Variants in DDX50 observed in about 807,000 individuals in gnomAD.
DDX50 encodes ATP-dependent RNA helicase DDX50.
A neutral mutation model predicts 94.8 loss-of-function variants in DDX50; 56 were observed. The observed-to-expected ratio is 0.59, with a 90% CI of 0.48 to 0.74. The LOEUF (loss-of-function observed/expected upper bound fraction) is 0.74. DDX50 is among the 30% of genes least tolerant of loss of function. DDX50 has a pLI of 0.00. For missense variants in DDX50, 713 were observed against 881.2 expected (o/e 0.81, Z 2.42); for synonymous variants, 264 against 295.4 (o/e 0.89, Z 1.09).
intron 8 of DDX50, among the ~76,000 whole-genome samples, chr10:68,926,602 CAAATGCCTTCTAAATTCTAAA>C (rs1842096236): frequency 1.3e-5 from 2 of 152,002 alleles, no homozygotes; most frequent in East Asian, 1.9e-4. Context: ...CCCCCAGAAA[CAAATGCCTTCTAAATTCTAAA>C]CAGCTGGGTT....
chr10:68,902,643 C>T lies in DDX50; in HGVS notation c.87+1172C>T, dbSNP rs73268321. Among the ~76,000 whole-genome samples the T allele has an allele frequency of 3.0e-3, 453 of 151,788 alleles. 2 individuals carry two copies. The highest frequency in any genetic ancestry group is 0.01 in the African/African-American group (429 of 41,452). On this transcript the variant is annotated intron_variant, in intron 1 of 14. Coordinates refer to ENST00000373585, the MANE Select transcript of DDX50 (RefSeq NM_024045.2). ...TCTCATTCCTCTCTCCTTCCACTCC[C>T]GGCAACTACCATTCTACTTTCGCTC...
At chr10:68,904,182 G>A (rs1179049493) in intron 1 of DDX50, among the ~76,000 whole-genome samples, 3 of 151,584 alleles carry the variant, frequency 2.0e-5, no homozygotes, top group Non-Finnish European at 2.9e-5. Flanking sequence ...GTTGTAGCTC[G>A]TGCCTGTAGA....
Position 68,913,558 on chromosome 10 carries a change from C to A in DDX50, c.925C>A (p.His309Asn). ...CGCTGAACAAGTTGAAGATATTATT[C>A]ATGAATCCTACAAAACTGGTATATC... is the stretch of plus-strand genomic sequence containing the variant. ...GFAEQVEDII[H>N]ESYKTDSEDN... is the part of the protein sequence containing the mutation. The change falls in exon 6 of 15, where the codon CAT becomes AAT. Residue 309 changes from histidine (H) to asparagine (N), a missense_variant. His to Asn is a moderately conservative substitution (Grantham distance 68). Coordinates refer to ENST00000373585, the MANE Select transcript of DDX50 (RefSeq NM_024045.2). 1 of 1,612,762 alleles carries A rather than the reference C, an allele frequency of 6.2e-7. No homozygotes were observed. Among genetic ancestry groups the A allele is most frequent in the South Asian group, 1.1e-5 (1 of 90,644 alleles).
At chr10:68,936,355 G>C (rs1319719835) in intron 11 of DDX50, among the ~76,000 whole-genome samples, 1 of 150,880 alleles carries the variant, frequency 6.6e-6, no homozygotes, top group African/African-American at 2.4e-5. Flanking sequence ...CAGGCGTGGT[G>C]GTGGGCGCCT....
At chr10:68,925,485 T>G (rs17471063) in intron 8 of DDX50, among the ~76,000 whole-genome samples, 17,511 of 152,150 alleles carry the variant, frequency 0.12, 1,286 homozygotes, top group Admixed American at 0.18. Context: ...ATTTTTAGTT[T>G]TGTTATCCTA....
rs1390406242 is a variant in DDX50 at position 68,913,447 on chromosome 10, G to A, written c.814G>A (p.Asp272Asn). Residue 272 changes from aspartate to asparagine, a missense_variant, in exon 6 of 15, where the codon GAC becomes AAC. Asp to Asn is a conservative substitution (Grantham distance 23). Transcript: ENST00000373585. The stretch of plus-strand genomic sequence containing the variant: ...GGTTGGAACACCTGGTCGTATCAAA[G>A]ACCATCTGCAGAGTGGCCGATTGGA... ...ILVGTPGRIK[D>N]HLQSGRLDLS... 1.2e-6 allele frequency: 2 copies of A among 1,614,000 alleles called. No individual in the cohort carries two copies. The highest frequency in any genetic ancestry group is 1.7e-6 in the Non-Finnish European group (2 of 1,180,032).
intron 14 of DDX50, 139 bp downstream of exon 14, chr10:68,943,396 G>A: frequency 4.2e-6 from 3 of 708,176 alleles, no homozygotes; most frequent in East Asian, 5.9e-5. Flanking sequence ...TAACCAGTCT[G>A]TCTCAAACTT....
chr10:68,945,952 A>G lies in DDX50; in HGVS notation c.1936-400A>G, dbSNP rs532371153. Reference sequence around the variant, plus strand: ...TTTTGTACATTTATTTAATTAGTATATTTATTTAATTAGTAATACATAGTA... The same window carrying G: ...TTTTGTACATTTATTTAATTAGTATGTTTATTTAATTAGTAATACATAGTA... On this transcript the variant is annotated intron_variant, in intron 14 of 14. Transcript: ENST00000373585. Among the ~76,000 whole-genome samples the G allele has an allele frequency of 1.0e-4, 15 of 148,188 alleles. No individual in the cohort carries two copies. In the East Asian group the frequency reaches 2.3e-3, roughly 23 times the overall value.
intron 8 of DDX50, among the ~76,000 whole-genome samples, chr10:68,920,921 C>G (rs1003651513): frequency 7.1e-6 from 1 of 141,450 alleles, no homozygotes; most frequent in African/African-American, 2.7e-5. Context: ...ACACTCCAGC[C>G]TGGATGACAG....
intron 7 of DDX50, among the ~76,000 whole-genome samples, chr10:68,915,696 CAG>C (rs1841766844): frequency 7.2e-6 from 1 of 139,650 alleles, no homozygotes; most frequent in African/African-American, 2.7e-5. Flanking sequence ...AGTCTGGAGA[CAG>C]AGTGAGACAA....
intron 12 of DDX50, 22 bp from the exon 13 acceptor site, chr10:68,941,035 CATA>C (rs1196374011): frequency 1.9e-6 from 3 of 1,592,316 alleles, no homozygotes; most frequent in Non-Finnish European, 2.6e-6. Context: ...TATTTCCAAA[CATA>C]ATGTGGTTTT....
chr10:68,916,935 C>T (rs1391533058), intron 7 of DDX50, among the ~76,000 whole-genome samples: 4 of 152,120 alleles, frequency 2.6e-5, no homozygotes, highest in Non-Finnish European at 5.9e-5. Context: ...ATCCGCCTGC[C>T]TTGGTCTCTC....
chr10:68,941,940 C>T (rs1234425845), intron 13 of DDX50, among the ~76,000 whole-genome samples: 2 of 151,314 alleles, frequency 1.3e-5, no homozygotes, highest in African/African-American at 2.4e-5. Flanking sequence ...ATACCCTGTC[C>T]ATGTTATTAT....
chr10:68,913,828 G>T (rs1841705471), intron 6 of DDX50, among the ~76,000 whole-genome samples: 1 of 151,814 alleles, frequency 6.6e-6, no homozygotes, highest in Non-Finnish European at 1.5e-5. Context: ...TGATTTCTTT[G>T]TTCATTGTTC....
At chr10:68,925,922 G>A (rs558019609) in intron 8 of DDX50, among the ~76,000 whole-genome samples, 60 of 150,796 alleles carry the variant, frequency 4.0e-4, no homozygotes, top group Non-Finnish European at 8.1e-4. Flanking sequence ...GCCGAGGCAC[G>A]AGAATCACTT....
Position 68,930,364 on chromosome 10 carries a change from C to CGT in DDX50, c.1240-3834_1240-3833insTG, listed in dbSNP as rs550997373. On this transcript the variant is annotated intron_variant, in intron 8 of 14. Coordinates refer to ENST00000373585, the MANE Select transcript of DDX50 (RefSeq NM_024045.2). Reference sequence around the variant, plus strand: ...AACTCCTGACCTCAGGTAATCCACCCGCCTTGCCCTTCCAAAGTGCTGGGA... The same window carrying CGT: ...AACTCCTGACCTCAGGTAATCCACCCGTGCCTTGCCCTTCCAAAGTGCTGGGA... 2.6e-4 allele frequency among the ~76,000 whole-genome samples: 39 copies of CGT among 152,198 alleles called. 2 individuals are homozygous for CGT. The South Asian group carries it at 7.9e-3, about 31-fold the overall frequency.
At chr10:68,920,546 C>A (rs1196801733) in intron 8 of DDX50, among the ~76,000 whole-genome samples, 1 of 152,050 alleles carries the variant, frequency 6.6e-6, no homozygotes, top group East Asian at 1.9e-4. Context: ...AAATGAATTT[C>A]TATGGGTAAG....
intron 7 of DDX50, among the ~76,000 whole-genome samples, chr10:68,918,399 AC>A (rs1564606742): frequency 6.8e-6 from 1 of 147,056 alleles, no homozygotes; most frequent in African/African-American, 2.5e-5. Context: ...AAACCCAACA[AC>A]CGTTAAACAG....
chr10:68,946,132 A>G (rs751603538), intron 14 of DDX50, among the ~76,000 whole-genome samples: 21 of 152,164 alleles, frequency 1.4e-4, no homozygotes, highest in Non-Finnish European at 2.9e-4. Context: ...TTAGTAATAC[A>G]TAGTTTAATT....
Sources: gnomAD v4.1 joint callset for allele counts (sites outside exome capture counted in the v4.1 genomes callset) on GRCh38, gnomAD v4.1.1 for gene constraint, MANE v1.5 for transcripts, NCBI Gene and HGNC (gene_info 2026-07-23, HGNC 2026-07-21) for gene names.